NT5DC1: variants seen among roughly 807,000 people sequenced by gnomAD.
NT5DC1 encodes 5'-nucleotidase domain containing 1, also known as 5'-nucleotidase domain-containing protein 1.
NT5DC1 carries 42 observed loss-of-function variants against 59.4 expected under a neutral mutation model. That is an observed-to-expected ratio of 0.71 (90% CI 0.55 to 0.92). The LOEUF (loss-of-function observed/expected upper bound fraction) is 0.92, where lower values mean the gene tolerates loss of function less well. Ranked by LOEUF, NT5DC1 falls within the 40% of genes least tolerant of loss-of-function variation. NT5DC1 has a pLI of 0.00. For missense variants in NT5DC1, 501 were observed against 537.1 expected, an observed-to-expected ratio of 0.93 and a Z score of 0.66; for synonymous variants, 172 against 188.1, an observed-to-expected ratio of 0.91 and a Z score of 0.70.
intron 6 of NT5DC1, among the ~76,000 whole-genome samples, chr6:116,188,934 G>C (rs1461293355): frequency 6.6e-6 from 1 of 151,722 alleles, no homozygotes; most frequent in African/African-American, 2.4e-5. Flanking sequence ...TTGCAGAGTG[G>C]AGTTTAATTT....
At chr6:116,231,960 A>C (rs1782027419) in intron 8 of NT5DC1, among the ~76,000 whole-genome samples, 1 of 152,212 alleles carries the variant, frequency 6.6e-6, no homozygotes, top group Admixed American at 6.5e-5. Context: ...AAAATACCAC[A>C]AACTAGATAG....
rs1467146558 is a variant in NT5DC1, at chr6:116,246,345, G to T, written c.*2321G>T. ...AGAATCTGGTATTTGGAATACTGAG[G>T]TAGTAAAAACTTTATCTGAACCATG... On this transcript the variant is annotated 3_prime_UTR_variant, in exon 12 of 12. Coordinates refer to ENST00000319550, the MANE Select transcript of NT5DC1 (RefSeq NM_152729.3). 4 of 151,938 alleles carry T rather than the reference G, an allele frequency of 2.6e-5. No homozygotes were observed. The highest frequency in any genetic ancestry group is 2.0e-4 in the Admixed American group (3 of 15,252). The allele number at this position is 151,938 out of a possible 1,614,324, so 9.4% of individuals were successfully genotyped here.
At chr6:116,140,460 A>T (rs1049844296) in intron 6 of NT5DC1, among the ~76,000 whole-genome samples, 1 of 152,146 alleles carries the variant, frequency 6.6e-6, no homozygotes, top group African/African-American at 2.4e-5. Flanking sequence ...GGATATGTGT[A>T]TAGTATATAT....
Position 116,223,022 on chromosome 6 carries a change from T to A in NT5DC1, c.705-12T>A. 2.8e-6 allele frequency: 4 copies of A among 1,408,772 alleles called. No homozygotes were observed. The highest frequency in any genetic ancestry group is 4.0e-6 in the Non-Finnish European group (4 of 1,000,334). The allele number at this position is 1,408,772 out of a possible 1,614,324, so 87.3% of individuals were successfully genotyped here. A position where few individuals can be genotyped will look rare whatever the true frequency, so the allele number is the denominator to read the frequency against. On this transcript the variant is annotated splice_polypyrimidine_tract_variant and intron_variant, in intron 7 of 11. Coordinates refer to ENST00000319550, the MANE Select transcript of NT5DC1 (RefSeq NM_152729.3). ...CTTAAAATAAACTTATGAAAAATTG[T>A]GTTGCTTTTAGGAATGATTTTACAG... is the stretch of plus-strand genomic sequence containing the variant.
intron 7 of NT5DC1, 151 bp downstream of exon 7, chr6:116,221,379 A>G: frequency 3.5e-6 from 2 of 570,838 alleles, no homozygotes; most frequent in South Asian, 2.6e-5. Flanking sequence ...ACATACCTCA[A>G]TCTCTGCTGA....
intron 6 of NT5DC1, among the ~76,000 whole-genome samples, chr6:116,123,405 T>G (rs1484244784): frequency 6.6e-6 from 1 of 152,220 alleles, no homozygotes; most frequent in Non-Finnish European, 1.5e-5. Context: ...CATTCAAGAT[T>G]AGGGTGGCAC....
chr6:116,126,836 A>C (rs1480828106), intron 6 of NT5DC1, among the ~76,000 whole-genome samples: 1 of 152,072 alleles, frequency 6.6e-6, no homozygotes, highest in African/African-American at 2.4e-5. Flanking sequence ...AAATTTTCAA[A>C]CTTTGCTTTC....
At chr6:116,200,523 T>C (rs1781325796) in intron 6 of NT5DC1, among the ~76,000 whole-genome samples, 1 of 152,070 alleles carries the variant, frequency 6.6e-6, no homozygotes, top group Non-Finnish European at 1.5e-5. Flanking sequence ...TTGTAATTTT[T>C]CTGTCCATCT....
chr6:116,110,950 C>A lies in NT5DC1; in HGVS notation c.358C>A (p.Arg120Ser). ...HFLSDTGMAC[R>S]SGKYYFYDNY... ...CTTGTCGGACACTGGAATGGCTTGC[C>A]GCTCAGGTATGACTCAAATGAGGCA... is the stretch of plus-strand genomic sequence containing the variant. The change falls in exon 4 of 12, where the codon CGC becomes AGC. Residue 120 changes from arginine (R) to serine (S), a missense_variant. Arg to Ser is a moderately radical substitution (Grantham distance 110). Transcript: ENST00000319550. 2 of 1,606,732 alleles carry A rather than the reference C, an allele frequency of 1.2e-6. No homozygotes were observed. Among genetic ancestry groups the A allele is most frequent in the Non-Finnish European group, 1.7e-6 (2 of 1,173,398 alleles).
chr6:116,115,498 T>C (rs1478916449), intron 4 of NT5DC1, among the ~76,000 whole-genome samples, 193 bp from the exon 5 acceptor site: 1 of 152,254 alleles, frequency 6.6e-6, no homozygotes, highest in Non-Finnish European at 1.5e-5. Context: ...TCTTTTAACT[T>C]TCTTGTGGTG....
chr6:116,234,639 C>A (rs1453963188), intron 8 of NT5DC1, among the ~76,000 whole-genome samples: 2 of 152,172 alleles, frequency 1.3e-5, no homozygotes, highest in Non-Finnish European at 2.9e-5. Context: ...CCACACCCAG[C>A]CTACATTTTT....
intron 6 of NT5DC1, among the ~76,000 whole-genome samples, chr6:116,138,780 T>C (rs1167586127): frequency 6.6e-6 from 1 of 152,180 alleles, no homozygotes. Flanking sequence ...TATAGAATTG[T>C]ATATTTAGCA....
intron 1 of NT5DC1, 42 bp downstream of exon 1, chr6:116,101,065 A>C: frequency 5.0e-5 from 69 of 1,392,740 alleles, no homozygotes; most frequent in Non-Finnish European, 5.7e-5. Flanking sequence ...CGCAACCTCC[A>C]TGGCGGCTGG....
chr6:116,233,977 G>T (rs1406818173), intron 8 of NT5DC1, among the ~76,000 whole-genome samples: 111 of 109,748 alleles, frequency 1.0e-3, no homozygotes, highest in Middle Eastern at 5.9e-3. Context: ...TCTTATAACT[G>T]TTTTTTTTTT....
Position 116,203,206 on chromosome 6 carries a change from T to C in NT5DC1, c.530-17848T>C, listed in dbSNP as rs554931882. Among the ~76,000 whole-genome samples, 3 of 152,098 alleles carry C rather than the reference T, an allele frequency of 2.0e-5. No individual in the cohort carries two copies. In the East Asian group the frequency reaches 5.8e-4, roughly 30 times the overall value. On this transcript the variant is annotated intron_variant, in intron 6 of 11. Transcript: ENST00000319550. ...GTATTAGATTCTCATTTAATGTGAG[T>C]CTTTCATTTCTGATTTAACACTTGT...
chr6:116,243,910 A>G lies in NT5DC1; in HGVS notation c.1254A>G (p.Glu418=). The G allele has an allele frequency of 2.2e-6, 3 of 1,366,494 alleles. No homozygotes were observed. Among genetic ancestry groups the G allele is most frequent in the Non-Finnish European group, 3.1e-6 (3 of 974,336 alleles). The allele number at this position is 1,366,494 out of a possible 1,614,324, so 84.6% of individuals were successfully genotyped here. A position where few individuals can be genotyped will look rare whatever the true frequency, so the allele number is the denominator to read the frequency against. The change falls in exon 12 of 12, where the codon GAA becomes GAG. Residue 418 remains glutamate, a splice_region_variant and synonymous_variant. Coordinates refer to ENST00000319550, the MANE Select transcript of NT5DC1 (RefSeq NM_152729.3). ...ATTAAATTTTTTTTTCCTCCCCAGA[A>G]TTACCTCTGGACTACAAATTTACAA... The part of the protein sequence containing the change: ...IAIPSIEAIA[E]LPLDYKFTRF...
chr6:116,125,345 T>C lies in NT5DC1; in HGVS notation c.529+7400T>C, dbSNP rs766668557. 1 of 1,613,602 alleles carries C rather than the reference T, an allele frequency of 6.2e-7. No homozygotes were observed. Among genetic ancestry groups the C allele is most frequent in the Non-Finnish European group, 8.5e-7 (1 of 1,179,702 alleles). On this transcript the variant is annotated intron_variant, in intron 6 of 11. Transcript: ENST00000319550. ...AATATACAATTCAATTTACCTTTAC[T>C]CTTTATGGTGTAGGGAATGAAGAAC... is the stretch of plus-strand genomic sequence containing the variant.
intron 6 of NT5DC1, among the ~76,000 whole-genome samples, chr6:116,203,508 A>G (rs547920476): frequency 3.3e-5 from 5 of 151,764 alleles, no homozygotes; most frequent in African/African-American, 1.2e-4. Context: ...CCTCAACATT[A>G]TGCTCCTATA....
chr6:116,110,407 G>A (rs952434906), intron 3 of NT5DC1, among the ~76,000 whole-genome samples: 2 of 152,106 alleles, frequency 1.3e-5, no homozygotes, highest in African/African-American at 4.8e-5. Context: ...TCCACCTGTG[G>A]GTGCCAGGTG....
Sources: gnomAD v4.1 joint callset for allele counts (sites outside exome capture counted in the v4.1 genomes callset) on GRCh38, gnomAD v4.1.1 for gene constraint, MANE v1.5 for transcripts, NCBI Gene and HGNC (gene_info 2026-07-23, HGNC 2026-07-21) for gene names.